The following RNF144A variants were observed in gnomAD, a reference collection of about 807,000 sequenced individuals.
RNF144A encodes the protein E3 ubiquitin-protein ligase RNF144A.
Under a neutral mutation model 38.7 loss-of-function variants are expected in RNF144A, and 11 were observed. The ratio of observed to expected loss-of-function variants is 0.28; its 90% CI spans 0.18 to 0.47. The LOEUF (loss-of-function observed/expected upper bound fraction) is 0.47, where lower values mean the gene tolerates loss of function less well. Ranked by LOEUF, RNF144A falls within the 20% of genes least tolerant of loss-of-function variation. The pLI, the probability that RNF144A is intolerant of heterozygous loss-of-function variation, is 0.99. For synonymous variants in RNF144A, 149 were observed against 143.9 expected, an observed-to-expected ratio of 1.04 and a Z score of -0.25; for missense variants, 316 against 377.2, an observed-to-expected ratio of 0.84 and a Z score of 1.34.
chr2:7,018,928 G>A (rs898558220), intron 5 of RNF144A, among the ~76,000 whole-genome samples: 1 of 151,832 alleles, frequency 6.6e-6, no homozygotes, highest in Non-Finnish European at 1.5e-5. Context: ...ATGAGATCAA[G>A]GGTCAGCCAG....
intron 8 of RNF144A, among the ~76,000 whole-genome samples, chr2:7,036,030 C>T (rs888765768): frequency 6.6e-6 from 1 of 152,214 alleles, no homozygotes; most frequent in African/African-American, 2.4e-5. Context: ...AGATGTCTCA[C>T]GTGGGACTGA....
chr2:6,938,559 T>C (rs530004361), intron 1 of RNF144A, among the ~76,000 whole-genome samples: 1 of 152,270 alleles, frequency 6.6e-6, no homozygotes, highest in African/African-American at 2.4e-5. Flanking sequence ...TTCTTTCTTT[T>C]TAAATAGTAG....
At chr2:6,972,856 G>A (rs1668081878) in intron 2 of RNF144A, among the ~76,000 whole-genome samples, 1 of 152,206 alleles carries the variant, frequency 6.6e-6, no homozygotes, top group African/African-American at 2.4e-5. Context: ...CTAGAAAGGT[G>A]CATGCCCTCT....
At chr2:6,930,203 C>G (rs1230854344) in intron 1 of RNF144A, among the ~76,000 whole-genome samples, 1 of 152,004 alleles carries the variant, frequency 6.6e-6, no homozygotes, top group Non-Finnish European at 1.5e-5. Flanking sequence ...ATATCATGCT[C>G]TAATTAGATA....
intron 2 of RNF144A, among the ~76,000 whole-genome samples, chr2:6,972,639 A>G (rs1456733775): frequency 1.3e-5 from 2 of 152,136 alleles, no homozygotes; most frequent in South Asian, 4.1e-4. Flanking sequence ...TGTTTCGTAC[A>G]CATGTTTCGC....
At chr2:7,069,687 C>T (rs1674386045), downstream of RNF144A, among the ~76,000 whole-genome samples, 1 of 152,154 alleles carries the variant, frequency 6.6e-6, no homozygotes. Flanking sequence ...GTTTTATTCC[C>T]TCCCAAATTT....
intron 2 of RNF144A, among the ~76,000 whole-genome samples, chr2:6,976,480 C>G (rs114518027): frequency 2.4e-3 from 360 of 151,458 alleles, no homozygotes; most frequent in Non-Finnish European, 4.7e-3. Flanking sequence ...GAGAATAACT[C>G]TTTGGGATAC....
At chr2:7,038,515 G>A (rs1312040603) in intron 8 of RNF144A, among the ~76,000 whole-genome samples, 1 of 152,194 alleles carries the variant, frequency 6.6e-6, no homozygotes, top group African/African-American at 2.4e-5. Context: ...GTCTGGGTCA[G>A]GGTGGCTGCT....
chr2:7,010,395 G>T (rs564250755), intron 3 of RNF144A, among the ~76,000 whole-genome samples: 1 of 152,170 alleles, frequency 6.6e-6, no homozygotes, highest in Non-Finnish European at 1.5e-5. Context: ...TGCGTGTAAT[G>T]TTTGTGTTAA....
At chr2:6,919,222 C>G (rs1446479843) in intron 1 of RNF144A, among the ~76,000 whole-genome samples, 1 of 152,020 alleles carries the variant, frequency 6.6e-6, no homozygotes, top group Non-Finnish European at 1.5e-5. Flanking sequence ...GGGCCTCTGT[C>G]CAGAGAGAGC....
Position 7,040,946 on chromosome 2 carries a change from G to A in RNF144A, c.*1186G>A, listed in dbSNP as rs1673009043. The A allele has an allele frequency of 2.0e-6, 2 of 985,434 alleles. No individual in the cohort carries two copies. Among genetic ancestry groups the A allele is most frequent in the Non-Finnish European group, 2.4e-6 (2 of 829,924 alleles). 61.0% of individuals were successfully genotyped at this position (985,434 alleles called of 1,614,324 possible). Reference sequence around the variant, plus strand: ...TTACCACTTGATCTTTTACAGGGCTGTCTGTGACCATTTCCATGGCAGCAG... The same window carrying A: ...TTACCACTTGATCTTTTACAGGGCTATCTGTGACCATTTCCATGGCAGCAG... On this transcript the variant is annotated 3_prime_UTR_variant, in exon 9 of 9. Transcript: ENST00000320892.
In RNF144A at chr2:7,040,682, T is replaced by A. The variant is rs1166735572; in HGVS notation, c.*922T>A. On this transcript the variant is annotated 3_prime_UTR_variant, in exon 9 of 9. Coordinates refer to ENST00000320892, the MANE Select transcript of RNF144A (RefSeq NM_014746.6). ...GCTGCCGTCTGGCCTCTGGCCTCAGTCTTCAGATAGACAGTAAGAAGAAAG... is the reference window on the plus strand; with the variant it reads ...GCTGCCGTCTGGCCTCTGGCCTCAGACTTCAGATAGACAGTAAGAAGAAAG... 2.1e-5 allele frequency: 21 copies of A among 985,378 alleles called. No individual in the cohort carries two copies. Among genetic ancestry groups the A allele is most frequent in the Non-Finnish European group, 2.5e-5 (21 of 829,962 alleles). The allele number at this position is 985,378 out of a possible 1,614,324, so 61.0% of individuals were successfully genotyped here. A position where few individuals can be genotyped will look rare whatever the true frequency, so the allele number is the denominator to read the frequency against.
At chr2:7,009,033 GC>G (rs1440690095) in intron 3 of RNF144A, among the ~76,000 whole-genome samples, 2 of 152,334 alleles carry the variant, frequency 1.3e-5, no homozygotes, top group Non-Finnish European at 2.9e-5. Flanking sequence ...CCGTGTGAGG[GC>G]CGCATAGGGC....
At chr2:7,028,134 G>A (rs771018309) in intron 7 of RNF144A, among the ~76,000 whole-genome samples, 33 of 152,206 alleles carry the variant, frequency 2.2e-4, no homozygotes, top group Admixed American at 3.9e-4. Flanking sequence ...GAGTCAGGAG[G>A]TTACTGGCTC....
At chr2:7,006,914 T>C (rs956484385) in intron 3 of RNF144A, among the ~76,000 whole-genome samples, 13 of 152,002 alleles carry the variant, frequency 8.6e-5, no homozygotes, top group African/African-American at 2.4e-4. Flanking sequence ...CTATTAAGGG[T>C]CCATGAGAAA....
chr2:7,049,919 G>A (rs1452766179), intron 6 of RNF144A, among the ~76,000 whole-genome samples: 2 of 152,188 alleles, frequency 1.3e-5, no homozygotes, highest in African/African-American at 4.8e-5. Flanking sequence ...CAAATGCAAC[G>A]GCTTTTGGAA....
chr2:6,954,841 A>G (rs1243297624), intron 2 of RNF144A, among the ~76,000 whole-genome samples: 1 of 152,206 alleles, frequency 6.6e-6, no homozygotes, highest in Non-Finnish European at 1.5e-5. Flanking sequence ...GCACTGGTAA[A>G]CTTAGCTGTC....
chr2:7,037,303 C>T (rs866485920), intron 8 of RNF144A, among the ~76,000 whole-genome samples: 4 of 152,128 alleles, frequency 2.6e-5, no homozygotes, highest in Non-Finnish European at 4.4e-5. Context: ...GAGTGAAAAG[C>T]GAAGATGGTG....
In RNF144A at chr2:6,996,980, G is replaced by C. The variant is rs753399995; in HGVS notation, c.54G>C (p.Val18=). 6.2e-7 allele frequency: 1 copy of C among 1,614,146 alleles called. No homozygotes were observed. Among genetic ancestry groups the C allele is most frequent in the Non-Finnish European group, 8.5e-7 (1 of 1,179,974 alleles). Reference sequence around the variant, plus strand: ...GGGACCTGGCCCTCGACCCGCTGGTGTCTTGCAAGCTCTGTCTTGGGGAGT... The same window carrying C: ...GGGACCTGGCCCTCGACCCGCTGGTCTCTTGCAAGCTCTGTCTTGGGGAGT... ...PTWDLALDPL[V]SCKLCLGEYP... Residue 18 remains valine (V), a synonymous_variant, in exon 3 of 9, where the codon GTG becomes GTC. Coordinates refer to ENST00000320892, the MANE Select transcript of RNF144A (RefSeq NM_014746.6).
Sources: gnomAD v4.1 joint callset for allele counts (sites outside exome capture counted in the v4.1 genomes callset) on GRCh38, gnomAD v4.1.1 for gene constraint, MANE v1.5 for transcripts, NCBI Gene and HGNC (gene_info 2026-07-23, HGNC 2026-07-21) for gene names.